CHRM3: variants seen among roughly 807,000 people sequenced by gnomAD.
CHRM3 encodes the protein cholinergic receptor muscarinic 3.
A neutral mutation model predicts 41.8 loss-of-function variants in CHRM3; 11 were observed. The observed-to-expected ratio is 0.26, with a 90% CI of 0.17 to 0.44. The LOEUF (loss-of-function observed/expected upper bound fraction) is 0.44, where lower values mean the gene tolerates loss of function less well. Ranked by LOEUF, CHRM3 falls within the 20% of genes least tolerant of loss-of-function variation. The probability of loss-of-function intolerance (pLI) is 1.00; values close to 1 mark genes in which losing one functional copy is unlikely to be tolerated. For missense variants in CHRM3, 571 were observed against 745.4 expected (o/e 0.77, Z 2.72); for synonymous variants, 297 against 301.4 (o/e 0.99, Z 0.15).
intron 5 of CHRM3, among the ~76,000 whole-genome samples, chr1:239,749,462 A>T (rs547148008): frequency 6.6e-6 from 1 of 152,284 alleles, no homozygotes; most frequent in Admixed American, 6.5e-5. Flanking sequence ...TGACGTCAGG[A>T]GTTCAAGACC....
chr1:239,576,163 G>A lies in CHRM3; in HGVS notation c.-313+30414G>A, dbSNP rs569710869. On this transcript the variant is annotated intron_variant, in intron 3 of 6. Coordinates refer to ENST00000676153, the MANE Select transcript of CHRM3 (RefSeq NM_001375978.1). ...TGTCACAATATTTCTCGTTTTTAAG[G>A]TTGAATAACGTCCATTGTATATGGA... 2.3e-4 allele frequency among the ~76,000 whole-genome samples: 35 copies of A among 152,148 alleles called. No homozygotes were observed. The South Asian group carries it at 7.3e-3, about 32-fold the overall frequency.
At chr1:239,427,980 A>G (rs1268979558) in intron 1 of CHRM3, among the ~76,000 whole-genome samples, 1 of 152,222 alleles carries the variant, frequency 6.6e-6, no homozygotes, top group East Asian at 1.9e-4. Context: ...GACAGAAGCC[A>G]CAGGAACGAG....
intron 2 of CHRM3, among the ~76,000 whole-genome samples, chr1:239,493,848 G>A (rs920141843): frequency 1.3e-5 from 2 of 152,124 alleles, no homozygotes; most frequent in African/African-American, 2.4e-5. Flanking sequence ...ATGCAGGAAA[G>A]GCAGGTCTCA....
At chr1:239,774,057 T>A (rs1477480931) in intron 5 of CHRM3, among the ~76,000 whole-genome samples, 1 of 152,172 alleles carries the variant, frequency 6.6e-6, no homozygotes, top group Non-Finnish European at 1.5e-5. Flanking sequence ...CTGTAATATA[T>A]GAGAAAATAC....
At chr1:239,735,046 A>G (rs927018275) in intron 5 of CHRM3, among the ~76,000 whole-genome samples, 15 of 152,138 alleles carry the variant, frequency 9.9e-5, no homozygotes, top group African/African-American at 3.6e-4. Flanking sequence ...GAATGATCAT[A>G]CTTTTGATTT....
Position 239,586,714 on chromosome 1 carries a change from CA to C in CHRM3, c.-313+40973del, listed in dbSNP as rs372209421. Among the ~76,000 whole-genome samples, 70 of 151,204 alleles carry C rather than the reference CA, an allele frequency of 4.6e-4. No individual in the cohort carries two copies. The East Asian group carries it at 0.012, about 26-fold the overall frequency. ...GGAAATTATAATTTTGACACTCAGG[CA>C]AAAAAAAGTGCTATAAGACTCTAAA... On this transcript the variant is annotated intron_variant, in intron 3 of 6. Transcript: ENST00000676153.
intron 5 of CHRM3, among the ~76,000 whole-genome samples, chr1:239,759,864 G>T (rs976639948): frequency 1.3e-5 from 2 of 152,088 alleles, no homozygotes; most frequent in Admixed American, 1.3e-4. Context: ...CCACTTCCAA[G>T]ATGTCATGTC....
At chr1:239,706,621 C>CACAA (rs1186978675) in intron 5 of CHRM3, 1 of 149,544 alleles carries the variant, frequency 6.7e-6, no homozygotes, top group Non-Finnish European at 1.5e-5. Context: ...TCCATGTACA[C>CACAA]ACACACACAC....
chr1:239,732,803 GATACCTAATATCTCACTTAGATAAGT>G (rs1558495380), intron 5 of CHRM3, among the ~76,000 whole-genome samples: 36 of 47,820 alleles, frequency 7.5e-4, no homozygotes, highest in African/African-American at 2.3e-3. Flanking sequence ...ACTTAGATAA[GATACCTAATATCTCACTTAGATAAGT>G]ATACCTAATA....
At chr1:239,585,109 G>A (rs1276622473) in intron 3 of CHRM3, among the ~76,000 whole-genome samples, 1 of 150,130 alleles carries the variant, frequency 6.7e-6, no homozygotes, top group Non-Finnish European at 1.5e-5. Context: ...ATATACACAT[G>A]TATACATATA....
intron 1 of CHRM3, among the ~76,000 whole-genome samples, chr1:239,435,827 A>G (rs527993537): frequency 1.3e-5 from 2 of 152,158 alleles, no homozygotes; most frequent in African/African-American, 4.8e-5. Flanking sequence ...ATTTTGCACT[A>G]TTGGGCAAAA....
chr1:239,422,129 A>C (rs1662001452), intron 1 of CHRM3, among the ~76,000 whole-genome samples: 1 of 152,206 alleles, frequency 6.6e-6, no homozygotes, highest in Admixed American at 6.5e-5. Flanking sequence ...TCTTTCTTTT[A>C]TATTTTACCG....
At chr1:239,883,975 C>T (rs563542769) in intron 6 of CHRM3, among the ~76,000 whole-genome samples, 52 of 152,204 alleles carry the variant, frequency 3.4e-4, no homozygotes, top group Non-Finnish European at 6.5e-4. Flanking sequence ...ATATATTTAT[C>T]GTATGAAAAG....
At chr1:239,413,025 C>T (rs2103055580) in intron 1 of CHRM3, among the ~76,000 whole-genome samples, 1 of 151,692 alleles carries the variant, frequency 6.6e-6, no homozygotes, top group East Asian at 1.9e-4. Flanking sequence ...TTACAGTGAG[C>T]CGAGATCCCG....
At chr1:239,466,481 T>C (rs989002378) in intron 1 of CHRM3, among the ~76,000 whole-genome samples, 6 of 152,128 alleles carry the variant, frequency 3.9e-5, no homozygotes, top group African/African-American at 1.4e-4. Context: ...TAGTTAAGTT[T>C]TGGGGGACTC....
intron 2 of CHRM3, among the ~76,000 whole-genome samples, chr1:239,515,295 TA>T (rs138599788): frequency 0.15 from 22,920 of 151,796 alleles, 2,274 homozygotes; most frequent in Non-Finnish European, 0.2. Flanking sequence ...ATATTTACCT[TA>T]AAAAAAGCAT....
At chr1:239,743,106 T>C (rs1665005569) in intron 5 of CHRM3, among the ~76,000 whole-genome samples, 1 of 152,220 alleles carries the variant, frequency 6.6e-6, no homozygotes, top group African/African-American at 2.4e-5. Context: ...TTAACTCTGA[T>C]AATTGTTTAG....
At chr1:239,819,584 G>A (rs1305990863) in intron 5 of CHRM3, among the ~76,000 whole-genome samples, 1 of 152,158 alleles carries the variant, frequency 6.6e-6, no homozygotes, top group Non-Finnish European at 1.5e-5. Context: ...AAAGCCTGTA[G>A]GAAAGATTAA....
At chr1:239,554,472 A>G (rs12737563) in intron 3 of CHRM3, among the ~76,000 whole-genome samples, 40,871 of 148,120 alleles carry the variant, frequency 0.28, 6,460 homozygotes, top group Middle Eastern at 0.51. Context: ...GTGTGTGTGT[A>G]TGTGTGTGCA....
Sources: allele counts gnomAD v4.1 joint callset (sites outside exome capture counted in the v4.1 genomes callset), GRCh38; gene constraint gnomAD v4.1.1; transcripts MANE v1.5; gene names NCBI Gene and HGNC (gene_info 2026-07-23, HGNC 2026-07-21).